The following IKBKB-DT variants were observed in gnomAD, a reference collection of about 807,000 sequenced individuals.
The protein encoded by IKBKB-DT is IKBKB antisense RNA.
intron 3 of IKBKB-DT, among the ~76,000 whole-genome samples, chr8:42,242,224 T>C (rs1458440603): frequency 1.3e-5 from 2 of 151,772 alleles, no homozygotes; most frequent in Non-Finnish European, 2.9e-5. Flanking sequence ...CAAAAATAAA[T>C]AAATAAATAA....
At chr8:42,236,848 T>C (rs1806929946) in intron 3 of IKBKB-DT, among the ~76,000 whole-genome samples, 1 of 152,218 alleles carries the variant, frequency 6.6e-6, no homozygotes, top group Non-Finnish European at 1.5e-5. Flanking sequence ...ATACAAAAAC[T>C]AACATAGCCT....
intron 3 of IKBKB-DT, among the ~76,000 whole-genome samples, chr8:42,241,927 C>A (rs914051801): frequency 2.6e-5 from 4 of 152,140 alleles, no homozygotes; most frequent in Non-Finnish European, 5.9e-5. Flanking sequence ...TTAAAGTAAG[C>A]AGATGGCCTG....
intron 3 of IKBKB-DT, among the ~76,000 whole-genome samples, chr8:42,237,852 C>A (rs528458629): frequency 1.3e-5 from 2 of 151,328 alleles, no homozygotes; most frequent in African/African-American, 4.9e-5. Flanking sequence ...AGTAAGACCC[C>A]CTCTCCACAA....
chr8:42,243,838 G>A (rs757602036), intron 3 of IKBKB-DT, among the ~76,000 whole-genome samples: 6 of 152,146 alleles, frequency 3.9e-5, no homozygotes, highest in South Asian at 2.1e-4. Flanking sequence ...TTATTGGGTC[G>A]CACAATATTT....
intron 3 of IKBKB-DT, among the ~76,000 whole-genome samples, chr8:42,238,690 T>C (rs981938995): frequency 1.3e-5 from 2 of 152,220 alleles, no homozygotes; most frequent in Non-Finnish European, 2.9e-5. Flanking sequence ...TGTTTTGTGA[T>C]GTTTTTCAGG....
At chr8:42,250,994 C>G (rs1807122402) in intron 3 of IKBKB-DT, among the ~76,000 whole-genome samples, 1 of 152,180 alleles carries the variant, frequency 6.6e-6, no homozygotes, top group Non-Finnish European at 1.5e-5. Flanking sequence ...GCACTTTGCC[C>G]AGCACTTTGG....
chr8:42,247,379 C>T (rs996606200), intron 3 of IKBKB-DT, among the ~76,000 whole-genome samples: 7 of 152,150 alleles, frequency 4.6e-5, no homozygotes, highest in African/African-American at 1.4e-4. Context: ...GGAGCATTTG[C>T]CCAATGCCTG....
intron 3 of IKBKB-DT, among the ~76,000 whole-genome samples, chr8:42,235,081 A>G (rs1021674239): frequency 6.6e-6 from 1 of 151,760 alleles, no homozygotes; most frequent in African/African-American, 2.4e-5. Context: ...AACTTCTCCA[A>G]TTACTTGTGA....
At chr8:42,244,822 A>T (rs961575511) in intron 3 of IKBKB-DT, among the ~76,000 whole-genome samples, 4 of 152,214 alleles carry the variant, frequency 2.6e-5, no homozygotes, top group African/African-American at 9.6e-5. Flanking sequence ...GCTGAACTGC[A>T]CTTCAGTGCT....
At chr8:42,269,140 A>AC (rs1044178902) in intron 1 of IKBKB-DT, among the ~76,000 whole-genome samples, 8 of 150,568 alleles carry the variant, frequency 5.3e-5, no homozygotes, top group South Asian at 2.1e-4. Flanking sequence ...ACATAGTGAG[A>AC]CCCCCATGTC....
At chr8:42,266,291 C>G (rs143403985) in exon 2 of IKBKB-DT, 1 of 152,250 alleles carries the variant, frequency 6.6e-6, no homozygotes, top group Admixed American at 6.5e-5. Flanking sequence ...GTCTGCCTTA[C>G]GGCCTCTTAT....
chr8:42,248,727 A>C (rs1159191856), intron 3 of IKBKB-DT, among the ~76,000 whole-genome samples: 2 of 152,026 alleles, frequency 1.3e-5, no homozygotes, highest in East Asian at 3.9e-4. Context: ...GAAAATACAA[A>C]AAGTGGCCAG....
chr8:42,262,458 A>ATTTATTTG (rs1554503755), intron 3 of IKBKB-DT, among the ~76,000 whole-genome samples: 2 of 151,794 alleles, frequency 1.3e-5, no homozygotes, highest in African/African-American at 4.8e-5. Context: ...TTATTTATTT[A>ATTTATTTG]AGACAGAGTC....
intron 3 of IKBKB-DT, among the ~76,000 whole-genome samples, chr8:42,239,312 C>A (rs1289864890): frequency 6.6e-6 from 1 of 151,886 alleles, no homozygotes; most frequent in Non-Finnish European, 1.5e-5. Flanking sequence ...GGCCCTCATC[C>A]CGCTTCCCAT....
intron 1 of IKBKB-DT, among the ~76,000 whole-genome samples, chr8:42,269,750 T>C (rs1270061466): frequency 6.6e-6 from 1 of 152,016 alleles, no homozygotes; most frequent in Non-Finnish European, 1.5e-5. Flanking sequence ...TGGGTTGAGA[T>C]CTGTCCCTGA....
At chr8:42,271,173 G>A (rs1216826629) in exon 1 of IKBKB-DT, 3 of 594,912 alleles carry the variant, frequency 5.0e-6, no homozygotes, top group African/African-American at 1.9e-5. Context: ...GAGACCACAC[G>A]CCACCCCCGC....
chr8:42,253,499 G>T (rs979575566), intron 3 of IKBKB-DT, among the ~76,000 whole-genome samples: 4 of 152,146 alleles, frequency 2.6e-5, no homozygotes, highest in African/African-American at 4.8e-5. Context: ...AGTCAGAAGG[G>T]TTGGAAAAAA....
At chr8:42,256,432 G>A (rs1359520429) in intron 3 of IKBKB-DT, among the ~76,000 whole-genome samples, 2 of 151,656 alleles carry the variant, frequency 1.3e-5, no homozygotes, top group Non-Finnish European at 2.9e-5. Context: ...AATAGCTGTG[G>A]GTGGTGGCAT....
intron 3 of IKBKB-DT, among the ~76,000 whole-genome samples, chr8:42,259,932 A>G (rs1212638339): frequency 1.3e-5 from 2 of 148,256 alleles, no homozygotes; most frequent in African/African-American, 5.1e-5. Context: ...CAGTGAGCTG[A>G]GATTGTGCCA....
Sources: allele counts gnomAD v4.1 joint callset (sites outside exome capture counted in the v4.1 genomes callset), GRCh38; gene constraint gnomAD v4.1.1; transcripts MANE v1.5; gene names NCBI Gene and HGNC (gene_info 2026-07-23, HGNC 2026-07-21).